Variants in VWC2L observed in about 807,000 individuals in gnomAD.
VWC2L encodes the protein von Willebrand factor C domain-containing protein 2-like.
A neutral mutation model predicts 21.6 loss-of-function variants in VWC2L; 10 were observed. That is an observed-to-expected ratio of 0.46 (90% CI 0.29 to 0.78). The LOEUF (loss-of-function observed/expected upper bound fraction) is 0.78, where lower values mean the gene tolerates loss of function less well. VWC2L is among the 30% of genes least tolerant of loss of function. The pLI is 0.10. For missense variants in VWC2L, 209 were observed against 277.1 expected (o/e 0.75, Z 1.74); for synonymous variants, 96 against 94.3 (o/e 1.02, Z -0.10).
intron 3 of VWC2L, among the ~76,000 whole-genome samples, chr2:214,552,445 T>C (rs550508104): frequency 6.6e-6 from 1 of 152,262 alleles, no homozygotes; most frequent in African/African-American, 2.4e-5. Flanking sequence ...CACAATGACA[T>C]AGGAATTGCT....
chr2:214,566,357 C>T (rs1047064101), intron 3 of VWC2L, among the ~76,000 whole-genome samples: 8 of 152,134 alleles, frequency 5.3e-5, no homozygotes, highest in African/African-American at 1.9e-4. Context: ...AGCTTGACCA[C>T]GTCCTTCCTC....
In VWC2L at chr2:214,575,877, G is replaced by A; in HGVS notation, c.*57G>A. The A allele has an allele frequency of 6.4e-7, 1 of 1,555,282 alleles. No homozygotes were observed. The highest frequency in any genetic ancestry group is 8.8e-7 in the Non-Finnish European group (1 of 1,141,536). On this transcript the variant is annotated 3_prime_UTR_variant, in exon 4 of 4. Transcript: ENST00000312504. ...GAAAGGATGCTATGGCTTCAACACT[G>A]CACATGTTTAACACAAAACAAAACA... is the stretch of plus-strand genomic sequence containing the variant.
At chr2:214,515,549 ATTTT>A (rs1048197872) in intron 3 of VWC2L, among the ~76,000 whole-genome samples, 5 of 151,902 alleles carry the variant, frequency 3.3e-5, no homozygotes, top group Admixed American at 6.6e-5. Context: ...TTATTTATTT[ATTTT>A]ATTTATTTAT....
chr2:214,414,723 A>C (rs1702329386), intron 2 of VWC2L, 140 bp downstream of exon 2: 7 of 915,370 alleles, frequency 7.6e-6, no homozygotes, highest in South Asian at 3.8e-5. Context: ...TAATTACCAT[A>C]AGTAGCACCA....
intron 3 of VWC2L, among the ~76,000 whole-genome samples, chr2:214,477,276 A>G (rs1688538840): frequency 6.6e-6 from 1 of 152,242 alleles, no homozygotes; most frequent in South Asian, 2.1e-4. Flanking sequence ...TCCCCAAGCA[A>G]TGGAAGGAGC....
In VWC2L at chr2:214,501,663, C is replaced by T. The variant is rs562638405; in HGVS notation, c.520+64905C>T. ...CTTGAACCTGGAAGGCGGAGGTTGCCATGAGCTGAGATCATGCCTCTGCGC... is the reference window on the plus strand; with the variant it reads ...CTTGAACCTGGAAGGCGGAGGTTGCTATGAGCTGAGATCATGCCTCTGCGC... On this transcript the variant is annotated intron_variant, in intron 3 of 3. Coordinates refer to ENST00000312504, the MANE Select transcript of VWC2L (RefSeq NM_001080500.4). Among the ~76,000 whole-genome samples, 103 of 140,546 alleles carry T rather than the reference C, an allele frequency of 7.3e-4. 1 individual carries two copies. Among genetic ancestry groups the T allele is most frequent in the Admixed American group, 7.1e-3 (91 of 12,852 alleles). 92.2% of individuals were successfully genotyped at this position (140,546 alleles called of 152,430 possible).
At chr2:214,572,171 T>A (rs1188269829) in intron 3 of VWC2L, among the ~76,000 whole-genome samples, 4 of 152,238 alleles carry the variant, frequency 2.6e-5, no homozygotes, top group African/African-American at 9.6e-5. Flanking sequence ...CTCTGAAGAA[T>A]TCACATGATG....
intron 2 of VWC2L, 85 bp from the exon 3 acceptor site, chr2:214,436,544 A>G: frequency 2.0e-6 from 3 of 1,501,510 alleles, no homozygotes; most frequent in Non-Finnish European, 2.7e-6. Flanking sequence ...TATAATAAGC[A>G]CTGATGTTTT....
chr2:214,467,513 C>T (rs1304300663), intron 3 of VWC2L, among the ~76,000 whole-genome samples: 2 of 152,196 alleles, frequency 1.3e-5, no homozygotes, highest in Admixed American at 6.5e-5. Context: ...AGTTACCCAT[C>T]TCTCAGGAGT....
At chr2:214,489,988 G>A (rs570119103) in intron 3 of VWC2L, among the ~76,000 whole-genome samples, 1 of 152,336 alleles carries the variant, frequency 6.6e-6, no homozygotes, top group Admixed American at 6.5e-5. Context: ...GTCACTGGGT[G>A]CAGGAGAGCT....
chr2:214,487,004 G>A (rs1033920624), intron 3 of VWC2L, among the ~76,000 whole-genome samples: 4 of 152,210 alleles, frequency 2.6e-5, no homozygotes, highest in Non-Finnish European at 5.9e-5. Flanking sequence ...GAAGTCATTA[G>A]CATGGACCCT....
chr2:214,425,302 G>C (rs574990719), intron 2 of VWC2L, among the ~76,000 whole-genome samples: 1 of 152,116 alleles, frequency 6.6e-6, no homozygotes, highest in East Asian at 1.9e-4. Context: ...TTTAATCAGT[G>C]CGTGGTCTCA....
At chr2:214,451,590 A>G (rs893597911) in intron 3 of VWC2L, among the ~76,000 whole-genome samples, 17 of 152,186 alleles carry the variant, frequency 1.1e-4, no homozygotes, top group African/African-American at 3.4e-4. Context: ...CTTAAGGCTC[A>G]TGGCATTTTT....
chr2:214,525,538 G>A (rs1022465204), intron 3 of VWC2L, among the ~76,000 whole-genome samples: 1 of 152,100 alleles, frequency 6.6e-6, no homozygotes, highest in African/African-American at 2.4e-5. Flanking sequence ...AAGATGATGT[G>A]AATGTGGCAA....
intron 3 of VWC2L, among the ~76,000 whole-genome samples, chr2:214,450,667 G>A (rs1702940295): frequency 6.6e-6 from 1 of 152,136 alleles, no homozygotes; most frequent in South Asian, 2.1e-4. Context: ...CTAACCCAGG[G>A]AATAGAGGGC....
intron 3 of VWC2L, among the ~76,000 whole-genome samples, chr2:214,526,305 G>C (rs1396772877): frequency 6.6e-6 from 1 of 152,022 alleles, no homozygotes; most frequent in Non-Finnish European, 1.5e-5. Flanking sequence ...TTTCCATGTA[G>C]TTCTATACAT....
intron 2 of VWC2L, among the ~76,000 whole-genome samples, chr2:214,416,814 T>G (rs993185911): frequency 6.6e-6 from 1 of 152,132 alleles, no homozygotes; most frequent in East Asian, 1.9e-4. Context: ...GGTTGGAAAT[T>G]CTTAATAACA....
chr2:214,535,010 C>T (rs532419267), intron 3 of VWC2L, among the ~76,000 whole-genome samples: 3 of 152,162 alleles, frequency 2.0e-5, no homozygotes, highest in East Asian at 3.9e-4. Flanking sequence ...TATGAAAATA[C>T]TGCAAAAACG....
chr2:214,415,383 C>T (rs764016346), intron 2 of VWC2L, among the ~76,000 whole-genome samples: 33 of 152,092 alleles, frequency 2.2e-4, no homozygotes, highest in Non-Finnish European at 4.6e-4. Context: ...TGAAAAATGT[C>T]CACCTTAAAT....
Sources: gnomAD v4.1 joint callset for allele counts (sites outside exome capture counted in the v4.1 genomes callset) on GRCh38, gnomAD v4.1.1 for gene constraint, MANE v1.5 for transcripts, NCBI Gene and HGNC (gene_info 2026-07-23, HGNC 2026-07-21) for gene names.